The following GREM2 variants were observed in gnomAD, a reference collection of about 807,000 sequenced individuals.
GREM2 encodes gremlin-2.
A neutral mutation model predicts 14.2 loss-of-function variants in GREM2; 11 were observed. The observed-to-expected ratio is 0.78, with a 90% CI of 0.49 to 1.28. GREM2 has a LOEUF of 1.28. GREM2 is among the 50% of genes most tolerant of loss of function. The probability of loss-of-function intolerance (pLI) is 0.00; values close to 1 mark genes in which losing one functional copy is unlikely to be tolerated. For synonymous variants in GREM2, 98 were observed against 97.6 expected, an observed-to-expected ratio of 1.00 and a Z score of -0.02; for missense variants, 210 against 218.5, an observed-to-expected ratio of 0.96 and a Z score of 0.24.
At chr1:240,556,326 A>G (rs1678951912) in intron 1 of GREM2, among the ~76,000 whole-genome samples, 4 of 152,236 alleles carry the variant, frequency 2.6e-5, no homozygotes, top group Admixed American at 2.6e-4. Flanking sequence ...TATTAGCACC[A>G]TCAGGGAATA....
intron 1 of GREM2, among the ~76,000 whole-genome samples, chr1:240,591,059 C>G (rs67033442): frequency 6.6e-6 from 1 of 151,816 alleles, no homozygotes; most frequent in African/African-American, 2.4e-5. Flanking sequence ...GGATTACAGG[C>G]GTGAGCCACC....
chr1:240,597,866 A>G (rs1679851015), intron 1 of GREM2, among the ~76,000 whole-genome samples: 1 of 152,202 alleles, frequency 6.6e-6, no homozygotes, highest in African/African-American at 2.4e-5. Flanking sequence ...TTTCTAAGCA[A>G]CTACCCTCTG....
intron 1 of GREM2, among the ~76,000 whole-genome samples, chr1:240,515,373 ACTT>A (rs1346343177): frequency 6.6e-6 from 1 of 152,188 alleles, no homozygotes; most frequent in Non-Finnish European, 1.5e-5. Context: ...TACGAGTCCA[ACTT>A]CTTTTTGCCT....
rs1022707598 is a variant in GREM2, at chr1:240,492,908, C to A, written c.*61G>T. On this transcript the variant is annotated 3_prime_UTR_variant, in exon 2 of 2. Coordinates refer to ENST00000318160, the MANE Select transcript of GREM2 (RefSeq NM_022469.4). Reference sequence around the variant, plus strand: ...TGGGCTCGGAGGGCAGGGACAGAGGCGGCGGCGGCGCCACCCAGCGGCCGG... The same window carrying A: ...TGGGCTCGGAGGGCAGGGACAGAGGAGGCGGCGGCGCCACCCAGCGGCCGG... 2.3e-6 allele frequency: 3 copies of A among 1,323,670 alleles called. No homozygotes were observed. The highest frequency in any genetic ancestry group is 2.9e-6 in the Non-Finnish European group (3 of 1,033,142). 82.0% of individuals were successfully genotyped at this position (1,323,670 alleles called of 1,614,324 possible). A position where few individuals can be genotyped will look rare whatever the true frequency, so the allele number is the denominator to read the frequency against.
At chr1:240,611,361 G>A (rs903338165) in intron 1 of GREM2, among the ~76,000 whole-genome samples, 3 of 152,036 alleles carry the variant, frequency 2.0e-5, no homozygotes, top group Non-Finnish European at 4.4e-5. Context: ...CAACCACAGC[G>A]TAGTGATAAT....
chr1:240,502,872 A>G (rs1426131166), intron 1 of GREM2, among the ~76,000 whole-genome samples: 1 of 152,186 alleles, frequency 6.6e-6, no homozygotes, highest in African/African-American at 2.4e-5. Context: ...GGTCCAAGCC[A>G]ATTGGTTATT....
chr1:240,546,293 C>T (rs1392070772), intron 1 of GREM2, among the ~76,000 whole-genome samples: 6 of 151,588 alleles, frequency 4.0e-5, no homozygotes, highest in Admixed American at 2.6e-4. Flanking sequence ...GAGCCAAGAT[C>T]GCGCTACTGC....
At chr1:240,564,151 T>A (rs753790578) in intron 1 of GREM2, among the ~76,000 whole-genome samples, 20 of 152,034 alleles carry the variant, frequency 1.3e-4, no homozygotes, top group Non-Finnish European at 2.5e-4. Context: ...AAGGCTGCAA[T>A]GAGCTGTAAC....
chr1:240,513,976 T>A (rs1313382329), intron 1 of GREM2, among the ~76,000 whole-genome samples: 2 of 151,818 alleles, frequency 1.3e-5, no homozygotes, highest in African/African-American at 4.8e-5. Flanking sequence ...TCCGGTGCGG[T>A]GGCTCATGCA....
rs192739140 is a variant in GREM2, at chr1:240,522,387, T to A, written c.-1-28911A>T. Among the ~76,000 whole-genome samples the A allele has an allele frequency of 6.2e-4, 95 of 152,188 alleles. 2 individuals carry two copies. The East Asian group carries it at 0.015, about 23-fold the overall frequency. On this transcript the variant is annotated intron_variant, in intron 1 of 1. Coordinates refer to ENST00000318160, the MANE Select transcript of GREM2 (RefSeq NM_022469.4). ...AATGCTTTACCTTGGCAAAGCAATT[T>A]TGGAACAGTGGTAATTAAGACAGAG...
At chr1:240,559,346 T>C (rs1168824830) in intron 1 of GREM2, among the ~76,000 whole-genome samples, 1 of 141,268 alleles carries the variant, frequency 7.1e-6, no homozygotes, top group African/African-American at 2.8e-5. Flanking sequence ...AAGTCTTTTT[T>C]TTTTTTTTTT....
chr1:240,535,582 T>C (rs1195556617), intron 1 of GREM2, among the ~76,000 whole-genome samples: 1 of 152,026 alleles, frequency 6.6e-6, no homozygotes, highest in Non-Finnish European at 1.5e-5. Flanking sequence ...GGGGGATCAC[T>C]TGAGGTCAGG....
At chr1:240,594,389 A>G (rs1679774310) in intron 1 of GREM2, among the ~76,000 whole-genome samples, 1 of 152,212 alleles carries the variant, frequency 6.6e-6, no homozygotes, top group South Asian at 2.1e-4. Context: ...ATAAAAGGGT[A>G]AAAGGATAAA....
intron 1 of GREM2, chr1:240,531,717 T>C (rs1678366780): frequency 6.5e-6 from 2 of 306,776 alleles, no homozygotes; most frequent in Non-Finnish European, 7.2e-6. Context: ...TCTTCTTCTT[T>C]TTTTTTTTTT....
intron 1 of GREM2, among the ~76,000 whole-genome samples, chr1:240,520,911 G>GC (rs1481958620): frequency 3.4e-5 from 4 of 116,402 alleles, no homozygotes; most frequent in Non-Finnish European, 5.4e-5. Flanking sequence ...GTCTTCATGG[G>GC]CAAAAAAAAA....
At chr1:240,541,507 CTGAT>C (rs1678587740) in intron 1 of GREM2, among the ~76,000 whole-genome samples, 2 of 152,210 alleles carry the variant, frequency 1.3e-5, no homozygotes, top group African/African-American at 4.8e-5. Context: ...TGTTCAAAGA[CTGAT>C]TGATTTCCTA....
intron 1 of GREM2, among the ~76,000 whole-genome samples, chr1:240,609,021 G>A (rs1262130561): frequency 6.6e-6 from 1 of 152,068 alleles, no homozygotes; most frequent in Non-Finnish European, 1.5e-5. Flanking sequence ...ACACAAGAGA[G>A]TTTATTTAAA....
intron 1 of GREM2, among the ~76,000 whole-genome samples, chr1:240,578,992 T>C (rs1679427655): frequency 6.6e-6 from 1 of 152,116 alleles, no homozygotes; most frequent in Non-Finnish European, 1.5e-5. Context: ...CACATTCAGG[T>C]AGGGATTCCT....
intron 1 of GREM2, among the ~76,000 whole-genome samples, chr1:240,497,651 G>GT (rs71498915): frequency 0.15 from 21,225 of 140,720 alleles, 2,188 homozygotes; most frequent in African/African-American, 0.3. Context: ...GAAAAAAAAA[G>GT]TTTTTTTTTT....
Sources: allele counts gnomAD v4.1 joint callset (sites outside exome capture counted in the v4.1 genomes callset), GRCh38; gene constraint gnomAD v4.1.1; transcripts MANE v1.5; gene names NCBI Gene and HGNC (gene_info 2026-07-23, HGNC 2026-07-21).